The following PRKG1 variants were observed in gnomAD, a reference collection of about 807,000 sequenced individuals.
PRKG1 encodes cGMP-dependent protein kinase 1.
A neutral mutation model predicts 88.1 loss-of-function variants in PRKG1; 35 were observed. That is an observed-to-expected ratio of 0.40 (90% CI 0.30 to 0.53). The LOEUF is 0.53. PRKG1 is among the 20% of genes least tolerant of loss of function. The probability of loss-of-function intolerance (pLI) is 0.59; values close to 1 mark genes in which losing one functional copy is unlikely to be tolerated. For missense variants in PRKG1, 540 were observed against 839.8 expected (o/e 0.64, Z 4.41); for synonymous variants, 303 against 292.5 (o/e 1.04, Z -0.37).
chr10:51,324,404 TC>T (rs1169641947), intron 2 of PRKG1, among the ~76,000 whole-genome samples: 3 of 152,056 alleles, frequency 2.0e-5, no homozygotes, highest in Non-Finnish European at 1.5e-5. Context: ...TCCAGTTCCA[TC>T]TACATTGCTG....
At chr10:51,771,248 G>A (rs866252810) in intron 3 of PRKG1, among the ~76,000 whole-genome samples, 1 of 152,134 alleles carries the variant, frequency 6.6e-6, no homozygotes. Context: ...AATCTTATGG[G>A]ACCACCATTC....
chr10:51,288,227 G>A (rs1005104892), intron 2 of PRKG1, among the ~76,000 whole-genome samples: 4 of 151,904 alleles, frequency 2.6e-5, no homozygotes, highest in Admixed American at 6.6e-5. Flanking sequence ...GTGCCATGCC[G>A]ATGAGTGTGC....
chr10:52,035,666 A>G (rs927836527), intron 5 of PRKG1, among the ~76,000 whole-genome samples: 1 of 152,166 alleles, frequency 6.6e-6, no homozygotes, highest in African/African-American at 2.4e-5. Context: ...GGCCAGGAAC[A>G]ACGGTAATTG....
rs144879181 is a variant in PRKG1 at position 51,753,376 on chromosome 10, A to C, written c.593-51209A>C. ...ATTGCTTTTTTTGAATCTAAGCATA[A>C]ATTATTTTAGATGGTCTATTTATAT... On this transcript the variant is annotated intron_variant, in intron 3 of 17. Coordinates refer to ENST00000373980, the MANE Select transcript of PRKG1 (RefSeq NM_006258.4). Among the ~76,000 whole-genome samples the C allele has an allele frequency of 2.2e-3, 331 of 152,244 alleles. 8 individuals are homozygous for C. Among genetic ancestry groups the C allele is most frequent in the Admixed American group, 0.017 (260 of 15,278 alleles).
At position 51,065,423 on chromosome 10, in the gene PRKG1, A is replaced by T. The variant is rs563909604; in HGVS notation, c.266+73779A>T. Among the ~76,000 whole-genome samples the T allele has an allele frequency of 1.4e-4, 21 of 152,234 alleles. 1 individual carries two copies. In the South Asian group the frequency reaches 4.1e-3, roughly 30 times the overall value. Reference sequence around the variant, plus strand: ...TTTCCTAGAAAAAAAAATCAGAGTGACAGGAAGAAAACATAGTTACCATGG... The same window carrying T: ...TTTCCTAGAAAAAAAAATCAGAGTGTCAGGAAGAAAACATAGTTACCATGG... On this transcript the variant is annotated intron_variant, in intron 1 of 17. Transcript: ENST00000401604.
intron 5 of PRKG1, among the ~76,000 whole-genome samples, chr10:52,028,674 C>T (rs562885337): frequency 2.6e-5 from 4 of 152,238 alleles, no homozygotes; most frequent in African/African-American, 4.8e-5. Flanking sequence ...CCCTAAGGTG[C>T]GTTTGCTTCA....
At chr10:51,120,591 A>G (rs1411360230) in intron 1 of PRKG1, among the ~76,000 whole-genome samples, 1 of 152,116 alleles carries the variant, frequency 6.6e-6, no homozygotes, top group African/African-American at 2.4e-5. Context: ...AGGAGTTTGC[A>G]ATGACCATCC....
At chr10:52,203,866 C>G (rs568642054) in intron 9 of PRKG1, among the ~76,000 whole-genome samples, 1 of 152,076 alleles carries the variant, frequency 6.6e-6, no homozygotes, top group South Asian at 2.1e-4. Context: ...TTTTCATTTA[C>G]TTGGTAGATT....
chr10:51,947,916 G>A (rs576456608), intron 5 of PRKG1, among the ~76,000 whole-genome samples: 10 of 152,198 alleles, frequency 6.6e-5, no homozygotes, highest in South Asian at 4.2e-4. Context: ...CTCAGCAGAC[G>A]GCACCTACCT....
chr10:51,001,567 G>A (rs149675626), intron 1 of PRKG1, among the ~76,000 whole-genome samples: 90 of 152,142 alleles, frequency 5.9e-4, no homozygotes, highest in African/African-American at 2.0e-3. Context: ...TTTGTTAAAC[G>A]AGAAAAATAT....
chr10:51,977,348 C>A (rs747199880), intron 5 of PRKG1, among the ~76,000 whole-genome samples: 2 of 151,892 alleles, frequency 1.3e-5, no homozygotes, highest in Non-Finnish European at 1.5e-5. Context: ...TACGTACCAC[C>A]TTTTCTTTTA....
intron 2 of PRKG1, among the ~76,000 whole-genome samples, chr10:51,381,077 T>C (rs1837080870): frequency 2.0e-5 from 3 of 150,620 alleles, no homozygotes. Flanking sequence ...GCCAACATGG[T>C]GAAACCCCAT....
chr10:51,429,736 G>C (rs1838702269), intron 2 of PRKG1, among the ~76,000 whole-genome samples: 1 of 151,204 alleles, frequency 6.6e-6, no homozygotes. Context: ...ATGGCAGAGA[G>C]AAGAACATAG....
At chr10:51,164,239 C>T (rs570594416) in intron 2 of PRKG1, among the ~76,000 whole-genome samples, 13 of 152,196 alleles carry the variant, frequency 8.5e-5, no homozygotes, top group South Asian at 4.2e-4. Flanking sequence ...TCACGGTTCA[C>T]GAAAATCCGC....
intron 3 of PRKG1, among the ~76,000 whole-genome samples, chr10:51,779,331 T>G (rs192212181): frequency 6.6e-6 from 1 of 152,216 alleles, no homozygotes; most frequent in African/African-American, 2.4e-5. Context: ...TTTTTCCTTG[T>G]GGGTCCCCTG....
chr10:51,321,544 T>C (rs1166755128), intron 2 of PRKG1, among the ~76,000 whole-genome samples: 2 of 152,098 alleles, frequency 1.3e-5, no homozygotes, highest in African/African-American at 4.8e-5. Flanking sequence ...TTCTCACTTA[T>C]CTGTGAGAAC....
intron 4 of PRKG1, among the ~76,000 whole-genome samples, chr10:51,903,518 C>T (rs765404063): frequency 2.0e-5 from 3 of 152,072 alleles, no homozygotes; most frequent in Non-Finnish European, 4.4e-5. Flanking sequence ...AATCTATGCA[C>T]ACACACAGAA....
chr10:51,758,449 A>G (rs1837928959), intron 3 of PRKG1, among the ~76,000 whole-genome samples: 1 of 152,212 alleles, frequency 6.6e-6, no homozygotes, highest in Admixed American at 6.5e-5. Context: ...GAAATTGACC[A>G]ACAGTCTAAG....
At chr10:51,427,697 G>A (rs951104945) in intron 2 of PRKG1, among the ~76,000 whole-genome samples, 4 of 152,140 alleles carry the variant, frequency 2.6e-5, no homozygotes, top group East Asian at 1.9e-4. Context: ...TGTGATCCAC[G>A]TACCAGCAGC....
Sources: gnomAD v4.1 joint callset for allele counts (sites outside exome capture counted in the v4.1 genomes callset) on GRCh38, gnomAD v4.1.1 for gene constraint, MANE v1.5 for transcripts, NCBI Gene and HGNC (gene_info 2026-07-23, HGNC 2026-07-21) for gene names.